The following HTR1F variants were observed in gnomAD, a reference collection of about 807,000 sequenced individuals.
The protein encoded by HTR1F is 5-hydroxytryptamine (serotonin) receptor 1F, G protein-coupled.
A neutral mutation model predicts 24.0 loss-of-function variants in HTR1F; 17 were observed. The ratio of observed to expected loss-of-function variants is 0.71; its 90% CI spans 0.48 to 1.06. HTR1F has a LOEUF of 1.06. Among genes scored for constraint, HTR1F ranks in the 50% least tolerant of loss-of-function variants. HTR1F has a pLI of 0.00. For synonymous variants in HTR1F, 186 were observed against 156.8 expected, an observed-to-expected ratio of 1.19 and a Z score of -1.39; for missense variants, 391 against 427.8, an observed-to-expected ratio of 0.91 and a Z score of 0.76.
chr3:87,874,492 G>A (rs1032375601), intron 2 of HTR1F, among the ~76,000 whole-genome samples: 1 of 151,934 alleles, frequency 6.6e-6, no homozygotes, highest in Non-Finnish European at 1.5e-5. Context: ...ATTGAAGGAC[G>A]ACAAAAACAA....
At chr3:87,842,352 CTT>C (rs1704827519) in intron 2 of HTR1F, among the ~76,000 whole-genome samples, 2 of 151,620 alleles carry the variant, frequency 1.3e-5, no homozygotes, top group Non-Finnish European at 2.9e-5. Context: ...TTAGTAGAGA[CTT>C]GGTTTCACTG....
At chr3:87,902,749 TC>T (rs1161971071) in intron 2 of HTR1F, among the ~76,000 whole-genome samples, 1 of 69,384 alleles carries the variant, frequency 1.4e-5, no homozygotes, top group Non-Finnish European at 2.6e-5. Flanking sequence ...CCCTCCCCCC[TC>T]CCCCCACCCC....
intron 2 of HTR1F, among the ~76,000 whole-genome samples, chr3:87,852,968 G>GTTT (rs35802056): frequency 1.0e-4 from 14 of 139,874 alleles, no homozygotes; most frequent in African/African-American, 2.1e-4. Context: ...TGTAGTGGCT[G>GTTT]TTTTTTTTTT....
chr3:87,885,776 C>A lies in HTR1F; in HGVS notation c.-43+63652C>A, dbSNP rs555170273. 5.1e-4 allele frequency among the ~76,000 whole-genome samples: 77 copies of A among 152,204 alleles called. 1 individual carries two copies. The highest frequency in any genetic ancestry group is 1.5e-3 in the South Asian group (7 of 4,822). ...AAATTCCTGGACACATACACCCTCC[C>A]AAGACTAAACCAGGAAGAAGTTGAA... On this transcript the variant is annotated intron_variant, in intron 2 of 2. Transcript: ENST00000319595.
chr3:87,938,459 T>C (rs1372476100), intron 2 of HTR1F, among the ~76,000 whole-genome samples: 1 of 152,046 alleles, frequency 6.6e-6, no homozygotes, highest in Non-Finnish European at 1.5e-5. Context: ...ATATGGAGCC[T>C]AAAAAGCACC....
chr3:87,912,445 T>G (rs1286187181), intron 2 of HTR1F, among the ~76,000 whole-genome samples: 2 of 151,848 alleles, frequency 1.3e-5, no homozygotes, highest in African/African-American at 2.4e-5. Flanking sequence ...GGAAAAACAT[T>G]CCATGCTCAT....
chr3:87,969,283 G>A (rs58824845), intron 2 of HTR1F, among the ~76,000 whole-genome samples: 14,286 of 152,208 alleles, frequency 0.094, 710 homozygotes, highest in African/African-American at 0.13. Flanking sequence ...GACAGCTTGC[G>A]CCTGTGTGCC....
At chr3:87,957,873 C>G (rs1704978281) in intron 2 of HTR1F, among the ~76,000 whole-genome samples, 1 of 151,020 alleles carries the variant, frequency 6.6e-6, no homozygotes, top group Non-Finnish European at 1.5e-5. Flanking sequence ...CATCTTTTGG[C>G]TTTTTTCATT....
At chr3:87,915,377 AT>A (rs1325116248) in intron 2 of HTR1F, among the ~76,000 whole-genome samples, 2 of 152,180 alleles carry the variant, frequency 1.3e-5, no homozygotes, top group Non-Finnish European at 2.9e-5. Context: ...CTGAAAAAGA[AT>A]TCAGGAGGTT....
chr3:87,794,018 A>G (rs900108668), intron 1 of HTR1F, among the ~76,000 whole-genome samples: 1 of 151,206 alleles, frequency 6.6e-6, no homozygotes, highest in African/African-American at 2.4e-5. Context: ...TACAAATTTT[A>G]AAACGGGTTT....
intron 2 of HTR1F, among the ~76,000 whole-genome samples, chr3:87,890,776 A>T (rs986819516): frequency 7.2e-5 from 11 of 152,186 alleles, no homozygotes; most frequent in African/African-American, 1.7e-4. Flanking sequence ...AAAGTACACA[A>T]ATATTGATGC....
intron 1 of HTR1F, among the ~76,000 whole-genome samples, chr3:87,817,540 A>C (rs1288298064): frequency 6.6e-6 from 1 of 152,130 alleles, no homozygotes; most frequent in Non-Finnish European, 1.5e-5. Context: ...CAAAACACTA[A>C]AACAGTCGGG....
intron 2 of HTR1F, among the ~76,000 whole-genome samples, chr3:87,949,278 T>C (rs1247038229): frequency 1.3e-5 from 2 of 152,254 alleles, no homozygotes; most frequent in Non-Finnish European, 2.9e-5. Flanking sequence ...CTTAGGCATT[T>C]ATTAATTACT....
At chr3:87,885,496 G>A (rs1705915375) in intron 2 of HTR1F, among the ~76,000 whole-genome samples, 1 of 152,128 alleles carries the variant, frequency 6.6e-6, no homozygotes. Context: ...TAAGATCAGA[G>A]CAGAACTGAA....
chr3:87,933,953 T>C (rs1704349667), intron 2 of HTR1F, among the ~76,000 whole-genome samples: 1 of 152,200 alleles, frequency 6.6e-6, no homozygotes, highest in Admixed American at 6.5e-5. Flanking sequence ...TGTATTCCAT[T>C]GGCATCATTT....
At position 87,991,868 on chromosome 3, in the gene HTR1F, A is replaced by T; in HGVS notation, c.*18A>T. 6.5e-7 allele frequency: 1 copy of T among 1,535,800 alleles called. No homozygotes were observed. The highest frequency in any genetic ancestry group is 8.7e-7 in the Non-Finnish European group (1 of 1,143,894). On this transcript the variant is annotated 3_prime_UTR_variant, in exon 3 of 3. Transcript: ENST00000319595. ...GATGTTAGTTTTAAAAATGTTTATT[A>T]TTGAAGGATGGGGGTTTTTGAGGGG...
chr3:87,916,456 T>A (rs939847916), intron 2 of HTR1F, among the ~76,000 whole-genome samples: 2 of 151,960 alleles, frequency 1.3e-5, no homozygotes, highest in Non-Finnish European at 2.9e-5. Flanking sequence ...TAAGAACTCA[T>A]CAACCAACTG....
chr3:87,803,361 A>G (rs1704024077), intron 1 of HTR1F, among the ~76,000 whole-genome samples: 1 of 152,136 alleles, frequency 6.6e-6, no homozygotes, highest in Admixed American at 6.5e-5. Context: ...TCCTTTCTAC[A>G]TATATTCTCC....
chr3:87,820,000 T>G (rs1194362509), intron 1 of HTR1F, among the ~76,000 whole-genome samples: 1 of 152,134 alleles, frequency 6.6e-6, no homozygotes, highest in Non-Finnish European at 1.5e-5. Context: ...AATATTCTGC[T>G]TTTTATATTT....
Sources: gnomAD v4.1 joint callset for allele counts (sites outside exome capture counted in the v4.1 genomes callset) on GRCh38, gnomAD v4.1.1 for gene constraint, MANE v1.5 for transcripts, NCBI Gene and HGNC (gene_info 2026-07-23, HGNC 2026-07-21) for gene names.